The following AGAP1 variants were observed in gnomAD, a reference collection of about 807,000 sequenced individuals.
AGAP1 encodes arf-GAP with GTPase, ANK repeat and PH domain-containing protein 1.
A neutral mutation model predicts 105.3 loss-of-function variants in AGAP1; 29 were observed. The ratio of observed to expected loss-of-function variants is 0.28; its 90% CI spans 0.21 to 0.38. The LOEUF (loss-of-function observed/expected upper bound fraction) is 0.38, where lower values mean the gene tolerates loss of function less well. AGAP1 is among the 10% of genes least tolerant of loss of function. The probability of loss-of-function intolerance (pLI) is 1.00; values close to 1 mark genes in which losing one functional copy is unlikely to be tolerated. For missense variants in AGAP1, 998 were observed against 1,165.1 expected, an observed-to-expected ratio of 0.86 and a Z score of 2.09; for synonymous variants, 509 against 485.9, an observed-to-expected ratio of 1.05 and a Z score of -0.63.
At position 235,535,877 on chromosome 2, in the gene AGAP1, GC is replaced by G. The variant is rs1943197613; in HGVS notation, c.163+41030del. 6.6e-6 allele frequency among the ~76,000 whole-genome samples: 1 copy of G among 151,972 alleles called. No individual in the cohort carries two copies. Among genetic ancestry groups the G allele is most frequent in the South Asian group, 2.1e-4 (1 of 4,806 alleles). ...TAGGAGTCCACGCGCAGGTAGCCTGGCCTTTGAAGCTCTCCAGGCTCTGGCC... is the reference window on the plus strand; with the variant it reads ...TAGGAGTCCACGCGCAGGTAGCCTGGCTTTGAAGCTCTCCAGGCTCTGGCC... On this transcript the variant is annotated intron_variant, in intron 1 of 17. Coordinates refer to ENST00000304032, the MANE Select transcript of AGAP1 (RefSeq NM_001037131.3). This position sits in a 1 kb window ranked among gnomAD's most constrained non-coding sequence, Gnocchi z 5.1.
At chr2:235,940,297 A>G (rs896977471) in intron 12 of AGAP1, among the ~76,000 whole-genome samples, 1 of 151,988 alleles carries the variant, frequency 6.6e-6, no homozygotes, top group Non-Finnish European at 1.5e-5. Context: ...CTTACTTCCC[A>G]AAAGTCCTCT....
intron 12 of AGAP1, among the ~76,000 whole-genome samples, chr2:235,947,603 A>G (rs1200568114): frequency 6.6e-6 from 1 of 152,110 alleles, no homozygotes; most frequent in Non-Finnish European, 1.5e-5. Context: ...CAGTAGTGGG[A>G]CTGCTGGATC....
rs532808655 is a variant in AGAP1 at position 235,495,983 on chromosome 2, T to C, written c.163+1134T>C. On this transcript the variant is annotated intron_variant, in intron 1 of 17. Transcript: ENST00000304032. ...GGCAGGAATGTGCCTGAAAGCCTGGTGCTGGCGTTGCCCAGCCTCCTCCCT... is the reference window on the plus strand; with the variant it reads ...GGCAGGAATGTGCCTGAAAGCCTGGCGCTGGCGTTGCCCAGCCTCCTCCCT... Among the ~76,000 whole-genome samples, 12 of 152,356 alleles carry C rather than the reference T, an allele frequency of 7.9e-5. 1 individual carries two copies. Among genetic ancestry groups the C allele is most frequent in the South Asian group, 6.2e-4 (3 of 4,834 alleles).
At position 236,121,487 on chromosome 2, in the gene AGAP1, G is replaced by A. The variant is rs528270429; in HGVS notation, c.2370+1040G>A. On this transcript the variant is annotated intron_variant, in intron 17 of 17. Transcript: ENST00000304032. The surrounding 1 kb of genome is among the most constrained non-coding windows in gnomAD (Gnocchi z 4.9). Reference sequence around the variant, plus strand: ...AGCTAATTTTTGTATTTTTAGTAGAGACGGGGCTTCACCATGTTGGTCAGT... The same window carrying A: ...AGCTAATTTTTGTATTTTTAGTAGAAACGGGGCTTCACCATGTTGGTCAGT... Among the ~76,000 whole-genome samples the A allele has an allele frequency of 1.0e-3, 154 of 152,198 alleles. No individual in the cohort carries two copies. The highest frequency in any genetic ancestry group is 3.6e-3 in the African/African-American group (149 of 41,548).
At chr2:235,671,112 C>G (rs923991468) in intron 1 of AGAP1, 6 of 1,243,196 alleles carry the variant, frequency 4.8e-6, no homozygotes, top group South Asian at 3.5e-5. Flanking sequence ...GGGGACTTGC[C>G]GGTTCCGCAG....
rs1346088071 is a variant in AGAP1 at position 235,734,537 on chromosome 2, AAAG to A, written c.311-6423_311-6421del. Among the ~76,000 whole-genome samples, 1 of 152,200 alleles carries A rather than the reference AAAG, an allele frequency of 6.6e-6. No individual in the cohort carries two copies. Among genetic ancestry groups the A allele is most frequent in the Non-Finnish European group, 1.5e-5 (1 of 68,028 alleles). On this transcript the variant is annotated intron_variant, in intron 3 of 17. Transcript: ENST00000304032. The surrounding 1 kb of genome is among the most constrained non-coding windows in gnomAD (Gnocchi z 5.3). ...CTTAGCTCAGGCATGAAAAAAAAAA[AAAG>A]AATAGTAAAAATTAAAAACCCTTTA...
At position 236,130,906 on chromosome 2, in the gene AGAP1, C is replaced by T. The variant is rs2060074091; in HGVS notation, c.*6784C>T. 1 of 152,298 alleles carries T rather than the reference C, an allele frequency of 6.6e-6. No homozygotes were observed. The highest frequency in any genetic ancestry group is 1.5e-5 in the Non-Finnish European group (1 of 68,154). 9.4% of individuals were successfully genotyped at this position (152,298 alleles called of 1,614,324 possible). On this transcript the variant is annotated 3_prime_UTR_variant, in exon 18 of 18. Transcript: ENST00000304032. This position sits in a 1 kb window ranked among gnomAD's most constrained non-coding sequence, Gnocchi z 5.8. Reference sequence around the variant, plus strand: ...GGTTGGCACGAGGGACCTCCCCCATCCCAACCCAGCCCCAAGGGTCCCAGC... The same window carrying T: ...GGTTGGCACGAGGGACCTCCCCCATTCCAACCCAGCCCCAAGGGTCCCAGC...
chr2:235,731,742 A>T (rs1438723370), intron 3 of AGAP1, among the ~76,000 whole-genome samples: 1 of 152,178 alleles, frequency 6.6e-6, no homozygotes, highest in African/African-American at 2.4e-5. Flanking sequence ...GGATTAGCTC[A>T]TTTATACCTA....
At position 235,586,789 on chromosome 2, in the gene AGAP1, A is replaced by G. The variant is rs1467204427; in HGVS notation, c.163+91940A>G. On this transcript the variant is annotated intron_variant, in intron 1 of 17. Coordinates refer to ENST00000304032, the MANE Select transcript of AGAP1 (RefSeq NM_001037131.3). The surrounding 1 kb of genome is among the most constrained non-coding windows in gnomAD (Gnocchi z 4.2). ...CATAGTCTGGGGGACAAATCCTCCC[A>G]TTCCTGATAGGACAGGAGGGAGCGG... Among the ~76,000 whole-genome samples, 2 of 152,206 alleles carry G rather than the reference A, an allele frequency of 1.3e-5. No individual in the cohort carries two copies. Among genetic ancestry groups the G allele is most frequent in the African/African-American group, 4.8e-5 (2 of 41,466 alleles).
At position 235,883,496 on chromosome 2, in the gene AGAP1, A is replaced by T. The variant is rs775069962; in HGVS notation, c.1155+47A>T. On this transcript the variant is annotated intron_variant, in intron 10 of 17. Transcript: ENST00000304032. This position sits in a 1 kb window ranked among gnomAD's most constrained non-coding sequence, Gnocchi z 4.5. ...CAATTAACAGCTGCAGACCTCAACTAAACACTGTGGGGAAGGGGAACCTAC... is the reference window on the plus strand; with the variant it reads ...CAATTAACAGCTGCAGACCTCAACTTAACACTGTGGGGAAGGGGAACCTAC... The T allele has an allele frequency of 6.6e-7, 1 of 1,507,970 alleles. No homozygotes were observed. The highest frequency in any genetic ancestry group is 9.2e-7 in the Non-Finnish European group (1 of 1,089,086). The allele number at this position is 1,507,970 out of a possible 1,614,324, so 93.4% of individuals were successfully genotyped here. A position where few individuals can be genotyped will look rare whatever the true frequency, so the allele number is the denominator to read the frequency against.
At chr2:235,857,156 C>T (rs1400367290) in intron 9 of AGAP1, among the ~76,000 whole-genome samples, 4 of 152,096 alleles carry the variant, frequency 2.6e-5, no homozygotes, top group South Asian at 4.1e-4. Context: ...AGGTGAGCGG[C>T]GAGTGAGTGA....
intron 16 of AGAP1, among the ~76,000 whole-genome samples, chr2:236,068,797 CAAAAAAAAAAAA>C (rs35724496): frequency 3.5e-5 from 2 of 57,606 alleles, no homozygotes; most frequent in Non-Finnish European, 6.8e-5. Flanking sequence ...GACTCCGTCT[CAAAAAAAAAAAA>C]AAAAAAAAAA....
intron 14 of AGAP1, among the ~76,000 whole-genome samples, chr2:236,039,927 A>G (rs1162807944): frequency 2.0e-4 from 31 of 151,980 alleles, no homozygotes; most frequent in Admixed American, 2.0e-3. Flanking sequence ...TTCAATGAGC[A>G]TGTATGTTTT....
chr2:235,797,445 T>TA (rs1382262332), intron 6 of AGAP1, among the ~76,000 whole-genome samples: 1 of 151,776 alleles, frequency 6.6e-6, no homozygotes, highest in East Asian at 2.0e-4. Flanking sequence ...AGGAAAAACA[T>TA]ACGAGAATTT....
intron 9 of AGAP1, among the ~76,000 whole-genome samples, chr2:235,834,170 G>A (rs930781301): frequency 2.8e-4 from 43 of 152,252 alleles, no homozygotes; most frequent in Admixed American, 1.3e-3. Flanking sequence ...TCAGATGGGC[G>A]CCCCATGTGG....
rs540907895 is a variant in AGAP1, at chr2:235,565,175, G to C, written c.163+70326G>C. Among the ~76,000 whole-genome samples the C allele has an allele frequency of 2.7e-5, 4 of 150,808 alleles. No homozygotes were observed. The South Asian group carries it at 8.5e-4, about 32-fold the overall frequency. ...GGTGTGAGCCTGGACCACCACCCAC[G>C]GCCAGGTGTGAGCCAGGAGCATCCT... On this transcript the variant is annotated intron_variant, in intron 1 of 17. Transcript: ENST00000304032.
rs1944667664 is a variant in AGAP1, at chr2:235,574,368, A to G, written c.163+79519A>G. Among the ~76,000 whole-genome samples the G allele has an allele frequency of 6.6e-6, 1 of 152,250 alleles. No homozygotes were observed. The highest frequency in any genetic ancestry group is 1.5e-5 in the Non-Finnish European group (1 of 68,040). Reference sequence around the variant, plus strand: ...TGGATTGATTTAATTGTATGTGTGAAGCATTTTTTCTTCTTTGCTAAATGC... The same window carrying G: ...TGGATTGATTTAATTGTATGTGTGAGGCATTTTTTCTTCTTTGCTAAATGC... On this transcript the variant is annotated intron_variant, in intron 1 of 17. Transcript: ENST00000304032. The surrounding 1 kb of genome is among the most constrained non-coding windows in gnomAD (Gnocchi z 5.0).
rs747606801 is a variant in AGAP1 at position 235,877,008 on chromosome 2, C to T, written c.1051-6337C>T. 7.2e-5 allele frequency among the ~76,000 whole-genome samples: 11 copies of T among 152,104 alleles called. No homozygotes were observed. The highest frequency in any genetic ancestry group is 1.0e-4 in the Non-Finnish European group (7 of 67,988). ...GATTACAGGCATGCACCACCATGCT[C>T]GGCTAATTTTTGTATTTTTAGTAGA... On this transcript the variant is annotated intron_variant, in intron 9 of 17. Coordinates refer to ENST00000304032, the MANE Select transcript of AGAP1 (RefSeq NM_001037131.3). This position sits in a 1 kb window ranked among gnomAD's most constrained non-coding sequence, Gnocchi z 4.3.
At chr2:235,613,625 A>G (rs1475939665) in intron 1 of AGAP1, among the ~76,000 whole-genome samples, 1 of 152,232 alleles carries the variant, frequency 6.6e-6, no homozygotes, top group Non-Finnish European at 1.5e-5. Context: ...CTCCCTGAAA[A>G]AACTACAAGA....
Sources: gnomAD v4.1 joint callset for allele counts (sites outside exome capture counted in the v4.1 genomes callset) on GRCh38, gnomAD v4.1.1 for gene constraint, Gnocchi (gnomAD v3.1) non-coding constraint, MANE v1.5 for transcripts, NCBI Gene and HGNC (gene_info 2026-07-23, HGNC 2026-07-21) for gene names.